DLG2: variants seen among roughly 807,000 people sequenced by gnomAD.
DLG2 encodes discs large MAGUK scaffold protein 2.
Under a neutral mutation model 132.5 loss-of-function variants are expected in DLG2, and 45 were observed. The ratio of observed to expected loss-of-function variants is 0.34; its 90% CI spans 0.27 to 0.44. The LOEUF is 0.44. Among genes scored for constraint, DLG2 ranks in the 20% least tolerant of loss-of-function variants. The pLI is 1.00. For synonymous variants in DLG2, 424 were observed against 419.6 expected, an observed-to-expected ratio of 1.01 and a Z score of -0.13; for missense variants, 1,045 against 1,196.9, an observed-to-expected ratio of 0.87 and a Z score of 1.87.
chr11:84,423,874 C>A (rs1288471674), intron 7 of DLG2, among the ~76,000 whole-genome samples: 1 of 152,112 alleles, frequency 6.6e-6, no homozygotes, highest in Admixed American at 6.5e-5. Flanking sequence ...CAACAGTAAG[C>A]CATCTTCTGC....
intron 3 of DLG2, among the ~76,000 whole-genome samples, chr11:85,523,819 G>C (rs1261552005): frequency 6.6e-6 from 1 of 152,074 alleles, no homozygotes; most frequent in Admixed American, 6.5e-5. Flanking sequence ...GCCAAAATTT[G>C]GAAGCAACCT....
intron 8 of DLG2, among the ~76,000 whole-genome samples, chr11:84,222,444 C>T (rs925881456): frequency 1.3e-5 from 2 of 152,044 alleles, no homozygotes; most frequent in African/African-American, 2.4e-5. Context: ...AATTCAAATA[C>T]GATTCATAAA....
intron 6 of DLG2, among the ~76,000 whole-genome samples, chr11:85,039,102 T>A (rs1193750836): frequency 1.3e-5 from 2 of 151,972 alleles, no homozygotes; most frequent in African/African-American, 4.8e-5. Flanking sequence ...TAGATTCTAG[T>A]AAGTAGTCAG....
intron 6 of DLG2, among the ~76,000 whole-genome samples, chr11:84,672,402 C>A (rs7120512): frequency 0.35 from 53,072 of 151,916 alleles, 9,490 homozygotes; most frequent in African/African-American, 0.43. Flanking sequence ...ACAGAGAGAG[C>A]GATCTGGTAG....
At chr11:84,890,158 G>A (rs1018483776) in intron 6 of DLG2, among the ~76,000 whole-genome samples, 12 of 152,074 alleles carry the variant, frequency 7.9e-5, no homozygotes, top group Admixed American at 6.6e-4. Flanking sequence ...CTGATTGAAG[G>A]GTATAAAGGA....
intron 3 of DLG2, among the ~76,000 whole-genome samples, chr11:85,302,861 A>G (rs1046926582): frequency 3.3e-5 from 5 of 152,206 alleles, no homozygotes; most frequent in African/African-American, 1.2e-4. Context: ...AGCTCTTACT[A>G]TATTCCAGAC....
chr11:85,068,294 T>G (rs921972348), intron 6 of DLG2, among the ~76,000 whole-genome samples: 3 of 152,128 alleles, frequency 2.0e-5, no homozygotes, highest in African/African-American at 7.2e-5. Flanking sequence ...TTGGAAGTTC[T>G]GGCCAGGGCA....
rs371686490 is a variant in DLG2 at position 85,189,007 on chromosome 11, G to GA, written c.187-34357dup. Among the ~76,000 whole-genome samples the GA allele has an allele frequency of 5.9e-3, 894 of 151,942 alleles. 7 individuals are homozygous for GA. Among genetic ancestry groups the GA allele is most frequent in the African/African-American group, 0.021 (854 of 41,452 alleles). ...CATGAAACTGAACAAAACCAGAATAGAAAAAATGCAAAGCAATATCCATCT... is the reference window on the plus strand; with the variant it reads ...CATGAAACTGAACAAAACCAGAATAGAAAAAAATGCAAAGCAATATCCATCT... On this transcript the variant is annotated intron_variant, in intron 4 of 27. Coordinates refer to ENST00000376104, the MANE Select transcript of DLG2 (RefSeq NM_001142699.3).
chr11:84,202,724 C>A (rs755407611), intron 8 of DLG2, among the ~76,000 whole-genome samples: 56 of 152,082 alleles, frequency 3.7e-4, no homozygotes, highest in Non-Finnish European at 4.4e-4. Flanking sequence ...ATTCATATGA[C>A]AAAAGTGTAA....
intron 6 of DLG2, among the ~76,000 whole-genome samples, chr11:84,777,338 C>A (rs2070848800): frequency 8.9e-6 from 1 of 112,444 alleles, no homozygotes; most frequent in Non-Finnish European, 1.8e-5. Flanking sequence ...TTTTCTTTAC[C>A]CAGTCATCCA....
At chr11:85,265,160 T>A (rs575472138) in intron 4 of DLG2, among the ~76,000 whole-genome samples, 1 of 152,318 alleles carries the variant, frequency 6.6e-6, no homozygotes, top group African/African-American at 2.4e-5. Context: ...TCCTATCATA[T>A]GGACAAATGC....
At chr11:84,049,694 T>C (rs1363212357) in intron 11 of DLG2, among the ~76,000 whole-genome samples, 1 of 151,820 alleles carries the variant, frequency 6.6e-6, no homozygotes, top group African/African-American at 2.4e-5. Context: ...GAATTAGCGG[T>C]TTCTTTATCT....
chr11:85,133,381 T>G (rs2075886270), intron 5 of DLG2, among the ~76,000 whole-genome samples: 1 of 151,750 alleles, frequency 6.6e-6, no homozygotes, highest in Admixed American at 6.6e-5. Context: ...TTGCCGGGAG[T>G]CTAAATGACT....
At chr11:85,449,555 GC>G (rs2092151414) in intron 3 of DLG2, among the ~76,000 whole-genome samples, 1 of 151,820 alleles carries the variant, frequency 6.6e-6, no homozygotes, top group Non-Finnish European at 1.5e-5. Context: ...GAGAGTACAT[GC>G]TTTATTTAAA....
intron 6 of DLG2, among the ~76,000 whole-genome samples, chr11:84,616,305 T>C (rs1478077390): frequency 6.6e-6 from 1 of 152,120 alleles, no homozygotes; most frequent in Non-Finnish European, 1.5e-5. Flanking sequence ...AACTATAAAG[T>C]TTGTGGGACT....
chr11:83,469,963 C>A (rs1347485243), intron 24 of DLG2, among the ~76,000 whole-genome samples: 1 of 152,052 alleles, frequency 6.6e-6, no homozygotes, highest in Non-Finnish European at 1.5e-5. Flanking sequence ...CAACTCTAAC[C>A]ATTTCACCTA....
chr11:84,330,033 T>C (rs529841796), intron 7 of DLG2, among the ~76,000 whole-genome samples: 16 of 152,236 alleles, frequency 1.1e-4, no homozygotes, highest in Non-Finnish European at 2.1e-4. Context: ...AGAATTGTTG[T>C]GAAAATAACA....
intron 21 of DLG2, among the ~76,000 whole-genome samples, chr11:83,494,806 G>A (rs1438589518): frequency 3.3e-5 from 5 of 151,868 alleles, no homozygotes; most frequent in Admixed American, 3.3e-4. Flanking sequence ...ATAAAGAAAA[G>A]GAATTTTATT....
At chr11:84,450,474 T>C (rs558600006) in intron 7 of DLG2, among the ~76,000 whole-genome samples, 1 of 150,432 alleles carries the variant, frequency 6.6e-6, no homozygotes, top group Non-Finnish European at 1.5e-5. Context: ...ACATGAGATG[T>C]GTTTGAGGAG....
Sources: allele counts gnomAD v4.1 joint callset (sites outside exome capture counted in the v4.1 genomes callset), GRCh38; gene constraint gnomAD v4.1.1; transcripts MANE v1.5; gene names NCBI Gene and HGNC (gene_info 2026-07-23, HGNC 2026-07-21).